ANKFY1: variants seen among roughly 807,000 people sequenced by gnomAD.
ANKFY1 encodes ankyrin repeat and FYVE domain-containing protein 1.
ANKFY1 carries 47 observed loss-of-function variants against 128.3 expected under a neutral mutation model. That is an observed-to-expected ratio of 0.37 (90% CI 0.29 to 0.47). The LOEUF (loss-of-function observed/expected upper bound fraction) is 0.47. Among genes scored for constraint, ANKFY1 ranks in the 20% least tolerant of loss-of-function variants. ANKFY1 has a pLI of 1.00. For synonymous variants in ANKFY1, 553 were observed against 601.6 expected (o/e 0.92, Z 1.18); for missense variants, 1,222 against 1,510.6 (o/e 0.81, Z 3.17).
intron 2 of ANKFY1, among the ~76,000 whole-genome samples, chr17:4,237,397 C>G (rs1158281754): frequency 6.6e-6 from 1 of 152,108 alleles, no homozygotes; most frequent in Non-Finnish European, 1.5e-5. Context: ...ACAGAATACT[C>G]TATGCAAAAC....
At position 4,177,255 on chromosome 17, in the gene ANKFY1, A is replaced by C. The variant is rs759304478; in HGVS notation, c.2646T>G (p.Ser882=). 6.2e-7 allele frequency: 1 copy of C among 1,603,940 alleles called. No individual in the cohort carries two copies. Among genetic ancestry groups the C allele is most frequent in the South Asian group, 1.1e-5 (1 of 88,360 alleles). Residue 882 remains serine (S), a synonymous_variant, in exon 19 of 25, where the codon TCT becomes TCG. Transcript: ENST00000341657. ...RNFLHVAVQN[S]DIESVLFLIS... is the part of the protein sequence containing the mutation. ...TCAGGAACAGCACACTTTCAATATC[A>C]GAGTTCTGAACTGCCACATGAAGGA...
At chr17:4,189,555 C>T in intron 10 of ANKFY1, 76 bp from the exon 11 acceptor site, 1 of 1,297,532 alleles carries the variant, frequency 7.7e-7, no homozygotes. Flanking sequence ...CCTGCTCTTC[C>T]CTGCCACCCT....
chr17:4,180,248 C>T (rs1454121344), intron 16 of ANKFY1: 4 of 175,928 alleles, frequency 2.3e-5, no homozygotes, highest in South Asian at 2.8e-4. Context: ...GCCAACGTGA[C>T]GAAACCCCCT....
At chr17:4,219,639 G>A (rs970836133) in intron 3 of ANKFY1, among the ~76,000 whole-genome samples, 1 of 151,906 alleles carries the variant, frequency 6.6e-6, no homozygotes, top group South Asian at 2.1e-4. Context: ...TGTCAAGTGA[G>A]TGGACTTGAA....
chr17:4,231,954 AAG>A (rs1443396237), intron 3 of ANKFY1, among the ~76,000 whole-genome samples: 3 of 152,068 alleles, frequency 2.0e-5, no homozygotes, highest in Non-Finnish European at 4.4e-5. Context: ...AAAAAAAAGA[AAG>A]AAAGAAATAT....
intron 1 of ANKFY1, among the ~76,000 whole-genome samples, chr17:4,253,901 T>C (rs952940927): frequency 1.1e-4 from 17 of 152,150 alleles, no homozygotes; most frequent in African/African-American, 4.1e-4. Flanking sequence ...AATATCCTAA[T>C]CCCTGGAACC....
In ANKFY1 at chr17:4,178,927, C is replaced by T. The variant is rs773444620; in HGVS notation, c.2528G>A (p.Cys843Tyr). The change falls in exon 18 of 25, where the codon TGT becomes TAT. Residue 843 changes from cysteine to tyrosine, a missense_variant. By Grantham distance (194) the Cys-to-Tyr change is radical. Transcript: ENST00000341657. This position sits in a 1 kb window ranked among gnomAD's most constrained non-coding sequence, Gnocchi z 4.1. ...RDRQGLTPFACAMTFKNNKSA... is the reference protein window; with the variant it reads ...RDRQGLTPFAYAMTFKNNKSA... The stretch of plus-strand genomic sequence containing the variant: ...CTTGTTGTTCTTGAAAGTCATGGCA[C>T]AGGCAAACGGGGTCAGCCCTTGTCT... 9.3e-6 allele frequency: 15 copies of T among 1,614,084 alleles called. No individual in the cohort carries two copies. Among genetic ancestry groups the T allele is most frequent in the Non-Finnish European group, 1.1e-5 (13 of 1,180,052 alleles).
At chr17:4,180,054 C>T in intron 16 of ANKFY1, 177 bp from the exon 17 acceptor site, 1 of 748,202 alleles carries the variant, frequency 1.3e-6, no homozygotes, top group Non-Finnish European at 2.1e-6. Context: ...CCCATAGATT[C>T]TTCTGTGACT....
In ANKFY1 at chr17:4,208,169, T is replaced by TCAGG. The variant is rs1015648672; in HGVS notation, c.583-91_583-88dup. On this transcript the variant is annotated intron_variant, in intron 5 of 24. Coordinates refer to ENST00000341657, the MANE Select transcript of ANKFY1 (RefSeq NM_001330063.2). ...TTAGCAAGCCTCTCAAATGCATCAG[T>TCAGG]CAGGCCCTTCTTTAAGGGCTTAACC... The TCAGG allele has an allele frequency of 6.7e-6, 9 of 1,344,026 alleles. No homozygotes were observed. The African/African-American group carries it at 1.2e-4, about 18-fold the overall frequency. The allele number at this position is 1,344,026 out of a possible 1,614,324, so 83.3% of individuals were successfully genotyped here.
chr17:4,186,844 C>T (rs1047035149), intron 11 of ANKFY1: 16 of 1,004,820 alleles, frequency 1.6e-5, no homozygotes, highest in Non-Finnish European at 1.8e-5. Flanking sequence ...CCCAGGTCTC[C>T]AGCCCCATTC....
At chr17:4,170,982 TC>T in intron 22 of ANKFY1, 121 bp from the exon 23 acceptor site, 1 of 1,434,582 alleles carries the variant, frequency 7.0e-7, no homozygotes, top group Non-Finnish European at 9.6e-7. Context: ...GTTCACAAAG[TC>T]CCCACAGACA....
rs932848345 is a variant in ANKFY1, at chr17:4,167,966, C to G, written c.3378-55G>C. The G allele has an allele frequency of 1.1e-5, 18 of 1,577,018 alleles. No homozygotes were observed. Among genetic ancestry groups the G allele is most frequent in the Non-Finnish European group, 1.6e-5 (18 of 1,158,012 alleles). On this transcript the variant is annotated intron_variant, in intron 24 of 24. Coordinates refer to ENST00000341657, the MANE Select transcript of ANKFY1 (RefSeq NM_001330063.2). The surrounding 1 kb of genome is among the most constrained non-coding windows in gnomAD (Gnocchi z 4.1). ...GGAGCGCCAACGACAGACTCTGCTT[C>G]CTGGCACGTGAGGACAACCGCAGCA...
chr17:4,176,451 C>T (rs2059413219), intron 19 of ANKFY1, among the ~76,000 whole-genome samples: 1 of 152,186 alleles, frequency 6.6e-6, no homozygotes, highest in African/African-American at 2.4e-5. Flanking sequence ...AATGGTTTCT[C>T]CACTGCCTAA....
At chr17:4,197,046 GAGGT>G (rs2059838146) in intron 8 of ANKFY1, among the ~76,000 whole-genome samples, 1 of 152,170 alleles carries the variant, frequency 6.6e-6, no homozygotes, top group Non-Finnish European at 1.5e-5. Context: ...CTGTGCTCAG[GAGGT>G]AGAGGCTGCA....
chr17:4,244,607 A>G (rs1163395468), intron 1 of ANKFY1, among the ~76,000 whole-genome samples: 2 of 151,894 alleles, frequency 1.3e-5, no homozygotes, highest in Admixed American at 6.6e-5. Flanking sequence ...CCCATCTCCC[A>G]TCCAACCTGC....
At position 4,188,110 on chromosome 17, in the gene ANKFY1, A is replaced by T. The variant is rs577961089; in HGVS notation, c.1470+1272T>A. The stretch of plus-strand genomic sequence containing the variant: ...AGAGGCATGGAGAAGGTGAGAGGGC[A>T]CGAGATGCTGAGATGCTGAGCCCAA... On this transcript the variant is annotated intron_variant, in intron 11 of 24. Coordinates refer to ENST00000341657, the MANE Select transcript of ANKFY1 (RefSeq NM_001330063.2). 3 of 152,514 alleles carry T rather than the reference A, an allele frequency of 2.0e-5. No homozygotes were observed. In the South Asian group the frequency reaches 6.2e-4, roughly 32 times the overall value. The allele number at this position is 152,514 out of a possible 1,614,324, so 9.4% of individuals were successfully genotyped here.
intron 1 of ANKFY1, among the ~76,000 whole-genome samples, chr17:4,251,343 G>A (rs1213286823): frequency 6.6e-6 from 1 of 152,088 alleles, no homozygotes; most frequent in East Asian, 1.9e-4. Context: ...GGAGGCTGGG[G>A]AGGAAGGATC....
At chr17:4,196,923 C>CA (rs374115097) in intron 8 of ANKFY1, among the ~76,000 whole-genome samples, 25 of 152,152 alleles carry the variant, frequency 1.6e-4, no homozygotes, top group African/African-American at 5.8e-4. Context: ...AGTTCGAGGC[C>CA]AGCCTGGACA....
At chr17:4,240,230 A>G (rs1044280940) in intron 2 of ANKFY1, among the ~76,000 whole-genome samples, 1 of 150,944 alleles carries the variant, frequency 6.6e-6, no homozygotes, top group African/African-American at 2.4e-5. Flanking sequence ...ACACCTAGCT[A>G]ATTTTTTTTA....
Sources: allele counts gnomAD v4.1 joint callset (sites outside exome capture counted in the v4.1 genomes callset), GRCh38; gene constraint gnomAD v4.1.1; non-coding constraint Gnocchi (gnomAD v3.1); transcripts MANE v1.5; gene names NCBI Gene and HGNC (gene_info 2026-07-23, HGNC 2026-07-21).